Variants in ARHGAP24 observed in about 807,000 individuals in gnomAD.
ARHGAP24 encodes rho GTPase-activating protein 24.
ARHGAP24 carries 50 observed loss-of-function variants against 76.4 expected under a neutral mutation model. The ratio of observed to expected loss-of-function variants is 0.65; its 90% confidence interval spans 0.52 to 0.83. The LOEUF is 0.83. Among genes scored for constraint, ARHGAP24 ranks in the 40% least tolerant of loss-of-function variants. The pLI, the probability that ARHGAP24 is intolerant of heterozygous loss-of-function variation, is 0.00. For missense variants in ARHGAP24, 930 were observed against 914.2 expected (o/e 1.02, Z -0.22); for synonymous variants, 345 against 323.3 (o/e 1.07, Z -0.72).
chr4:85,930,489 G>A (rs1272803618), intron 4 of ARHGAP24: 1 of 991,388 alleles, frequency 1.0e-6, no homozygotes, highest in Non-Finnish European at 1.2e-6. Flanking sequence ...TTTTGTCATT[G>A]TTCCTCTTTC....
intron 3 of ARHGAP24, among the ~76,000 whole-genome samples, chr4:85,851,032 T>C (rs955593592): frequency 6.6e-6 from 1 of 152,192 alleles, no homozygotes; most frequent in Admixed American, 6.5e-5. Context: ...TTGATCTGTT[T>C]AATATTGACA....
chr4:85,668,956 T>A lies in ARHGAP24; in HGVS notation c.181-52929T>A, dbSNP rs187070457. Among the ~76,000 whole-genome samples, 85 of 152,252 alleles carry A rather than the reference T, an allele frequency of 5.6e-4. 1 individual carries two copies. In the South Asian group the frequency reaches 0.012, roughly 21 times the overall value. Reference sequence around the variant, plus strand: ...AGGAGAGTCTGAACTAAGATGAACATTGAAAGTGGGTAGATTTAGGTCCTA... The same window carrying A: ...AGGAGAGTCTGAACTAAGATGAACAATGAAAGTGGGTAGATTTAGGTCCTA... On this transcript the variant is annotated intron_variant, in intron 2 of 9. Transcript: ENST00000395184.
intron 1 of ARHGAP24, among the ~76,000 whole-genome samples, chr4:85,501,185 A>G (rs1405400027): frequency 6.6e-6 from 1 of 152,186 alleles, no homozygotes; most frequent in Non-Finnish European, 1.5e-5. Context: ...CAATAAACAT[A>G]TGTGTGCATG....
intron 3 of ARHGAP24, among the ~76,000 whole-genome samples, chr4:85,898,033 G>GTATATA (rs61576453): frequency 4.9e-4 from 66 of 134,660 alleles, no homozygotes; most frequent in East Asian, 2.1e-3. Context: ...ACATATATGT[G>GTATATA]TATATATATA....
At chr4:85,939,171 A>T (rs1040512892) in intron 4 of ARHGAP24, among the ~76,000 whole-genome samples, 2 of 152,212 alleles carry the variant, frequency 1.3e-5, no homozygotes, top group African/African-American at 4.8e-5. Flanking sequence ...AATGTGAGAA[A>T]TGCAGGTAAA....
At chr4:85,675,247 A>C (rs1028224046) in intron 2 of ARHGAP24, among the ~76,000 whole-genome samples, 1 of 152,200 alleles carries the variant, frequency 6.6e-6, no homozygotes, top group Non-Finnish European at 1.5e-5. Flanking sequence ...TAGCTAAGAC[A>C]ATACTGTACA....
intron 1 of ARHGAP24, among the ~76,000 whole-genome samples, chr4:85,477,776 C>G (rs1183514434): frequency 2.0e-5 from 3 of 152,160 alleles, no homozygotes; most frequent in African/African-American, 7.2e-5. Context: ...TTCTTTCCGG[C>G]TCGATTAAAG....
intron 2 of ARHGAP24, among the ~76,000 whole-genome samples, chr4:85,721,199 T>A (rs1302776826): frequency 1.3e-5 from 2 of 151,866 alleles, no homozygotes; most frequent in Non-Finnish European, 2.9e-5. Flanking sequence ...AGTTCGAGAC[T>A]AGCCTGGCCA....
intron 2 of ARHGAP24, among the ~76,000 whole-genome samples, chr4:85,687,121 T>C (rs1353417405): frequency 6.6e-6 from 1 of 151,932 alleles, no homozygotes; most frequent in Non-Finnish European, 1.5e-5. Flanking sequence ...TGATGATGGA[T>C]GGATAGATAG....
chr4:85,754,523 G>A (rs1410257072), intron 3 of ARHGAP24, among the ~76,000 whole-genome samples: 1 of 152,116 alleles, frequency 6.6e-6, no homozygotes, highest in Non-Finnish European at 1.5e-5. Context: ...ACTCTTCTAT[G>A]GAAAGACACA....
intron 3 of ARHGAP24, among the ~76,000 whole-genome samples, chr4:85,849,189 C>A (rs28836236): frequency 0.46 from 65,424 of 142,392 alleles, 16,471 homozygotes; most frequent in East Asian, 0.85. Flanking sequence ...ATTCCTAGGT[C>A]TTTTATTCTC....
intron 2 of ARHGAP24, among the ~76,000 whole-genome samples, chr4:85,591,355 T>A (rs1728100304): frequency 6.6e-6 from 1 of 152,192 alleles, no homozygotes; most frequent in Non-Finnish European, 1.5e-5. Flanking sequence ...TAGATCTGCC[T>A]TTTTAACAGA....
intron 1 of ARHGAP24, among the ~76,000 whole-genome samples, chr4:85,543,614 C>A (rs1725794663): frequency 1.3e-5 from 2 of 151,980 alleles, no homozygotes; most frequent in Non-Finnish European, 2.9e-5. Context: ...TTAAATCAAG[C>A]CTGAATTGTG....
At chr4:85,510,822 C>T (rs1300451204) in intron 1 of ARHGAP24, among the ~76,000 whole-genome samples, 1 of 5,158 alleles carries the variant, frequency 1.9e-4, no homozygotes, top group Non-Finnish European at 1.2e-3. Flanking sequence ...CCTCCTCCTC[C>T]TTCTCTCTCG....
intron 2 of ARHGAP24, among the ~76,000 whole-genome samples, chr4:85,586,221 A>G (rs979338): frequency 1.9e-5 from 2 of 103,546 alleles, no homozygotes; most frequent in South Asian, 5.3e-4. Flanking sequence ...GGAGACTTGG[A>G]TTTGGGATTT....
At chr4:85,493,787 G>A (rs889739289) in intron 1 of ARHGAP24, among the ~76,000 whole-genome samples, 4 of 152,132 alleles carry the variant, frequency 2.6e-5, no homozygotes, top group African/African-American at 4.8e-5. Flanking sequence ...ACAAAAGAAC[G>A]TATCTCCTTT....
intron 2 of ARHGAP24, among the ~76,000 whole-genome samples, chr4:85,624,765 T>A (rs1312399552): frequency 6.6e-6 from 1 of 152,208 alleles, no homozygotes; most frequent in Non-Finnish European, 1.5e-5. Context: ...GTTATTGGTC[T>A]ATTCAGGGAT....
intron 2 of ARHGAP24, among the ~76,000 whole-genome samples, chr4:85,637,685 G>T (rs1019281276): frequency 1.3e-5 from 2 of 151,696 alleles, no homozygotes; most frequent in Non-Finnish European, 1.5e-5. Context: ...TAATGATGTT[G>T]AAATAAAAAT....
rs190603359 is a variant in ARHGAP24, at chr4:85,879,872, A to T, written c.269-43776A>T. On this transcript the variant is annotated intron_variant, in intron 3 of 9. Coordinates refer to ENST00000395184, the MANE Select transcript of ARHGAP24 (RefSeq NM_001025616.3). ...AGATTGCAGGGAGAGGCGGGGAGGG[A>T]TGTGGAACGGCTTCCGAGGCATTAG... is the stretch of plus-strand genomic sequence containing the variant. 3.0e-4 allele frequency among the ~76,000 whole-genome samples: 45 copies of T among 151,526 alleles called. No individual in the cohort carries two copies. In the East Asian group the frequency reaches 5.8e-3, roughly 20 times the overall value.
Sources: gnomAD v4.1 joint callset for allele counts (sites outside exome capture counted in the v4.1 genomes callset) on GRCh38, gnomAD v4.1.1 for gene constraint, MANE v1.5 for transcripts, NCBI Gene and HGNC (gene_info 2026-07-23, HGNC 2026-07-21) for gene names.